The following PDE6A variants were observed in gnomAD, a reference collection of about 807,000 sequenced individuals.
The protein encoded by PDE6A is rod cGMP-specific 3',5'-cyclic phosphodiesterase subunit alpha.
A neutral mutation model predicts 106.3 loss-of-function variants in PDE6A; 84 were observed. The ratio of observed to expected loss-of-function variants is 0.79; its 90% CI spans 0.66 to 0.95. The LOEUF (loss-of-function observed/expected upper bound fraction) is 0.95. Among genes scored for constraint, PDE6A ranks in the 40% least tolerant of loss-of-function variants. The pLI is 0.00. For missense variants in PDE6A, 1,052 were observed against 1,084.9 expected (o/e 0.97, Z 0.43); for synonymous variants, 394 against 386.6 (o/e 1.02, Z -0.23).
At chr5:149,865,058 G>C (rs955715522) in intron 20 of PDE6A, among the ~76,000 whole-genome samples, 4 of 152,048 alleles carry the variant, frequency 2.6e-5, no homozygotes, top group African/African-American at 9.7e-5. Context: ...TGGCCAACAA[G>C]GCAAAACCCC....
chr5:149,911,338 G>T (rs188285530), intron 6 of PDE6A, among the ~76,000 whole-genome samples: 1 of 152,226 alleles, frequency 6.6e-6, no homozygotes, highest in South Asian at 2.1e-4. Context: ...GCTTTAAAAT[G>T]ACCAATCTGC....
chr5:149,874,579 G>C (rs112455300), intron 17 of PDE6A, among the ~76,000 whole-genome samples: 2,449 of 152,184 alleles, frequency 0.016, 36 homozygotes, highest in Non-Finnish European at 0.025. Flanking sequence ...AATCACAGAA[G>C]CATGATTGAT....
At chr5:149,939,621 A>C (rs934597327) in intron 1 of PDE6A, among the ~76,000 whole-genome samples, 18 of 152,166 alleles carry the variant, frequency 1.2e-4, no homozygotes, top group Non-Finnish European at 1.0e-4. Flanking sequence ...CTGATGAGAT[A>C]ATTCATTCAT....
At chr5:149,921,549 T>C (rs1278416035) in intron 5 of PDE6A, 86 bp downstream of exon 5, 2 of 1,024,340 alleles carry the variant, frequency 2.0e-6, no homozygotes, top group East Asian at 2.4e-5. Context: ...AATACCTATA[T>C]GCTAATAAAA....
chr5:149,876,098 AT>A (rs1475620204), intron 17 of PDE6A, among the ~76,000 whole-genome samples: 1 of 152,070 alleles, frequency 6.6e-6, no homozygotes, highest in Non-Finnish European at 1.5e-5. Flanking sequence ...TGTAATTAAA[AT>A]TTTTTCTTTG....
At chr5:149,921,861 C>T (rs1753732742) in intron 4 of PDE6A, 152 bp from the exon 5 acceptor site, 10 of 700,906 alleles carry the variant, frequency 1.4e-5, no homozygotes, top group South Asian at 1.3e-4. Context: ...GTAAGACTCA[C>T]TACAGTTAGA....
In PDE6A at chr5:149,895,263, T is replaced by A. The variant is rs765628676; in HGVS notation, c.1648A>T (p.Ser550Cys). The change falls in exon 13 of 22, where the codon AGT becomes TGT. Residue 550 changes from serine to cysteine, a missense_variant. Around this residue, in one of 3 missense-constraint regions of PDE6A, gnomAD observed 913 missense variants for 915.2 expected, o/e 1.00. Coordinates refer to ENST00000255266, the MANE Select transcript of PDE6A (RefSeq NM_000440.3). ...EALVRFMYSLSKGYRKITYHN... is the reference protein window; with the variant it reads ...EALVRFMYSLCKGYRKITYHN... ...TAGGTGATCTTGCGGTAGCCCTTAC[T>A]CAGGGAGTACATGAACCGCACCAGG... 1 of 1,613,682 alleles carries A rather than the reference T, an allele frequency of 6.2e-7. No individual in the cohort carries two copies. Among genetic ancestry groups the A allele is most frequent in the African/African-American group, 1.3e-5 (1 of 74,876 alleles).
At chr5:149,921,828 T>C in intron 4 of PDE6A, 119 bp from the exon 5 acceptor site, 1 of 806,906 alleles carries the variant, frequency 1.2e-6, no homozygotes, top group Non-Finnish European at 2.1e-6. Context: ...AAGAACTCAG[T>C]GAAACCTAAA....
chr5:149,934,101 GA>G (rs1754120177), intron 2 of PDE6A, 82 bp from the exon 3 acceptor site: 1 of 799,400 alleles, frequency 1.3e-6, no homozygotes, highest in African/African-American at 1.7e-5. Context: ...GCAAATATCT[GA>G]ATATTTTCAA....
chr5:149,867,443 A>C, intron 19 of PDE6A: 1 of 534,242 alleles, frequency 1.9e-6, no homozygotes, highest in East Asian at 3.3e-5. Context: ...ACATTTCCCA[A>C]AATTTAGGAG....
intron 1 of PDE6A, among the ~76,000 whole-genome samples, chr5:149,940,503 T>C (rs1195973927): frequency 1.4e-5 from 2 of 145,290 alleles, no homozygotes; most frequent in Non-Finnish European, 3.0e-5. Context: ...CCTGTTTGAA[T>C]CCTTTTTTTT....
chr5:149,916,113 C>G (rs1311467294), intron 5 of PDE6A, among the ~76,000 whole-genome samples: 1 of 152,212 alleles, frequency 6.6e-6, no homozygotes, highest in Non-Finnish European at 1.5e-5. Context: ...ACTGGGATGA[C>G]AGGCATGAGC....
Position 149,860,806 on chromosome 5 carries a change from A to G in PDE6A, c.*89T>C, listed in dbSNP as rs1760107066. ...AGCTTTCAAATCCTATGACTCTTCT[A>G]CTTCTCAAGGTGTGTGGTCTTCCAC... On this transcript the variant is annotated 3_prime_UTR_variant, in exon 22 of 22. Coordinates refer to ENST00000255266, the MANE Select transcript of PDE6A (RefSeq NM_000440.3). 3 of 1,080,206 alleles carry G rather than the reference A, an allele frequency of 2.8e-6. No homozygotes were observed. Among genetic ancestry groups the G allele is most frequent in the South Asian group, 2.6e-5 (2 of 77,572 alleles). The allele number at this position is 1,080,206 out of a possible 1,614,324, so 66.9% of individuals were successfully genotyped here.
At chr5:149,900,267 T>A (rs1453503307) in intron 8 of PDE6A, among the ~76,000 whole-genome samples, 1 of 150,994 alleles carries the variant, frequency 6.6e-6, no homozygotes, top group Non-Finnish European at 1.5e-5. Flanking sequence ...GAGGCTGAGA[T>A]GGGAGAATCG....
At position 149,886,256 on chromosome 5, in the gene PDE6A, C is replaced by T; in HGVS notation, c.1838+9G>A. ...GGAGGGTTGGGTGTGGGGAGGGAGG[C>T]TGACTCACTTCATCTGGTAGAGGTT... is the stretch of plus-strand genomic sequence containing the variant. On this transcript the variant is annotated intron_variant, in intron 14 of 21. Transcript: ENST00000255266. The T allele has an allele frequency of 1.9e-6, 3 of 1,592,186 alleles. No homozygotes were observed. Among genetic ancestry groups the T allele is most frequent in the Non-Finnish European group, 2.6e-6 (3 of 1,159,990 alleles).
intron 5 of PDE6A, among the ~76,000 whole-genome samples, chr5:149,920,966 G>GAAAGAAAGAA (rs1753694371): frequency 7.8e-6 from 1 of 128,544 alleles, no homozygotes; most frequent in Non-Finnish European, 1.5e-5. Context: ...AAGAAAGAAA[G>GAAAGAAAGAA]AAAGAAAGAA....
chr5:149,890,952 T>C (rs1328369092), intron 13 of PDE6A, among the ~76,000 whole-genome samples: 1 of 152,228 alleles, frequency 6.6e-6, no homozygotes, highest in Non-Finnish European at 1.5e-5. Flanking sequence ...TGATAACCTA[T>C]TTAATAAACA....
intron 17 of PDE6A, among the ~76,000 whole-genome samples, chr5:149,876,379 G>A (rs1339708949): frequency 7.5e-6 from 1 of 132,658 alleles, no homozygotes; most frequent in Non-Finnish European, 1.6e-5. Context: ...TTTAACCAGA[G>A]TCTCTCTGTT....
intron 13 of PDE6A, among the ~76,000 whole-genome samples, chr5:149,891,054 C>T (rs1337385962): frequency 6.6e-6 from 1 of 152,196 alleles, no homozygotes; most frequent in Non-Finnish European, 1.5e-5. Context: ...TCCCGATGGC[C>T]TCCTCATCCT....
Sources: allele counts gnomAD v4.1 joint callset (sites outside exome capture counted in the v4.1 genomes callset), GRCh38; gene constraint gnomAD v4.1.1; regional missense constraint gnomAD v4.1.1; transcripts MANE v1.5; gene names NCBI Gene and HGNC (gene_info 2026-07-23, HGNC 2026-07-21).